DIAPH2: variants seen among roughly 807,000 people sequenced by gnomAD.
The protein encoded by DIAPH2 is protein diaphanous homolog 2.
A neutral mutation model predicts 92.7 loss-of-function variants in DIAPH2; 35 were observed. The ratio of observed to expected loss-of-function variants is 0.38; its 90% CI spans 0.29 to 0.50. DIAPH2 has a LOEUF of 0.50. DIAPH2 is among the 20% of genes least tolerant of loss of function. The probability of loss-of-function intolerance (pLI) is 0.94; values close to 1 mark genes in which losing one functional copy is unlikely to be tolerated. For synonymous variants in DIAPH2, 301 were observed against 280.4 expected (o/e 1.07, Z -0.73); for missense variants, 701 against 819.5 (o/e 0.86, Z 1.77).
chrX:97,184,411 A>G, intron 22 of DIAPH2, among the ~76,000 whole-genome samples: 1 of 112,216 alleles, frequency 8.9e-6, no homozygotes. Flanking sequence ...TTACATTCAG[A>G]TATATATGCA....
intron 4 of DIAPH2, among the ~76,000 whole-genome samples, chrX:96,771,929 T>G (rs2064341782): frequency 9.1e-6 from 1 of 110,055 alleles, no homozygotes; most frequent in Non-Finnish European, 1.9e-5. Flanking sequence ...TCCAATCTCC[T>G]AGGGAGGTTG....
At chrX:96,689,057 C>G (rs770275965) in intron 1 of DIAPH2, among the ~76,000 whole-genome samples, 2 of 109,621 alleles carry the variant, frequency 1.8e-5, no homozygotes, top group Admixed American at 9.9e-5. Flanking sequence ...TAAGAAAAGG[C>G]TTATCGCAGT....
At chrX:96,728,057 G>A (rs67016415) in intron 1 of DIAPH2, among the ~76,000 whole-genome samples, 71 of 96,465 alleles carry the variant, frequency 7.4e-4, no homozygotes, top group African/African-American at 1.5e-3. Context: ...AAAAAAAAAA[G>A]AAAAAAAAAA....
At chrX:97,026,667 A>C in intron 17 of DIAPH2, among the ~76,000 whole-genome samples, 1 of 112,503 alleles carries the variant, frequency 8.9e-6, no homozygotes, top group Non-Finnish European at 1.9e-5. Flanking sequence ...TGTCCTTGTT[A>C]CATCCAGACT....
chrX:97,092,502 G>A (rs2066833022), intron 19 of DIAPH2, among the ~76,000 whole-genome samples: 1 of 112,515 alleles, frequency 8.9e-6, no homozygotes, highest in Non-Finnish European at 1.9e-5. Flanking sequence ...GTGTCAAAAT[G>A]TCCAGGGTAT....
chrX:97,157,827 T>C (rs1330938544), intron 22 of DIAPH2, among the ~76,000 whole-genome samples: 1 of 112,325 alleles, frequency 8.9e-6, no homozygotes, highest in Non-Finnish European at 1.9e-5. Context: ...ATCATATTTG[T>C]ATTTTGTGTT....
chrX:97,476,968 A>ATAT (rs1374547099), intron 26 of DIAPH2, among the ~76,000 whole-genome samples: 2,289 of 33,458 alleles, frequency 0.068, 166 homozygotes, highest in Non-Finnish European at 0.097. Flanking sequence ...AAAAAAAAAA[A>ATAT]ATATATATAT....
intron 1 of DIAPH2, among the ~76,000 whole-genome samples, chrX:96,691,689 A>T (rs905506877): frequency 1.8e-5 from 2 of 112,366 alleles, no homozygotes; most frequent in African/African-American, 3.2e-5. Context: ...TCTTTGGTTT[A>T]CTGAAGATTT....
At chrX:97,350,024 A>G (rs929389181) in intron 24 of DIAPH2, among the ~76,000 whole-genome samples, 4 of 111,392 alleles carry the variant, frequency 3.6e-5, no homozygotes, top group Non-Finnish European at 7.5e-5. Context: ...AAGAATATGT[A>G]TGTGGCTAGG....
chrX:97,514,100 A>G (rs1261935696), intron 26 of DIAPH2, among the ~76,000 whole-genome samples: 1 of 106,341 alleles, frequency 9.4e-6, no homozygotes, highest in African/African-American at 3.5e-5. Flanking sequence ...TATCCTGCAG[A>G]GTGTTTTCCA....
chrX:96,789,239 C>A (rs2064481796), intron 4 of DIAPH2, among the ~76,000 whole-genome samples: 1 of 111,735 alleles, frequency 8.9e-6, no homozygotes, highest in Non-Finnish European at 1.9e-5. Context: ...TGCACCTGCC[C>A]AAGGAAGCCC....
intron 23 of DIAPH2, among the ~76,000 whole-genome samples, chrX:97,248,712 A>G (rs992419095): frequency 2.7e-5 from 3 of 112,073 alleles, no homozygotes; most frequent in African/African-American, 9.7e-5. Context: ...AATTCCTTCA[A>G]CAACTATTTG....
intron 4 of DIAPH2, among the ~76,000 whole-genome samples, chrX:96,845,688 T>G (rs2064966416): frequency 8.9e-6 from 1 of 112,790 alleles, no homozygotes. Flanking sequence ...AGAATATTTT[T>G]ATATTTTACG....
chrX:97,532,259 G>A (rs757072269), intron 26 of DIAPH2, among the ~76,000 whole-genome samples: 4 of 112,902 alleles, frequency 3.5e-5, no homozygotes, highest in Admixed American at 2.8e-4. Flanking sequence ...AATAAAACTC[G>A]TGCTTGGCAC....
At chrX:97,551,071 G>A (rs2071215950) in intron 26 of DIAPH2, among the ~76,000 whole-genome samples, 1 of 108,436 alleles carries the variant, frequency 9.2e-6, no homozygotes, top group African/African-American at 3.4e-5. Flanking sequence ...GAGAAACGTT[G>A]TTAGCCTAAA....
At chrX:97,125,624 A>G (rs1298560049) in intron 21 of DIAPH2, among the ~76,000 whole-genome samples, 1 of 110,964 alleles carries the variant, frequency 9.0e-6, no homozygotes, top group Non-Finnish European at 1.9e-5. Flanking sequence ...TTCTGTAGAG[A>G]ACTCACCTGT....
chrX:97,181,399 T>G (rs916461820), intron 22 of DIAPH2, among the ~76,000 whole-genome samples: 3 of 109,434 alleles, frequency 2.7e-5, no homozygotes, highest in Non-Finnish European at 5.7e-5. Context: ...AGTATATGTG[T>G]TGTTGTTGTT....
In DIAPH2 at chrX:97,250,405, C is replaced by G. The variant is rs753300202; in HGVS notation, c.2844+2566C>G. 3.6e-5 allele frequency among the ~76,000 whole-genome samples: 4 copies of G among 112,132 alleles called. No homozygotes were observed. In the South Asian group the frequency reaches 1.5e-3, roughly 42 times the overall value. ...GTTAGCAGCAATGGCATGATGGCTT[C>G]AGGGCAACTGAATATGCAGGTTGGA... On this transcript the variant is annotated intron_variant, in intron 23 of 26. Coordinates refer to ENST00000324765, the MANE Select transcript of DIAPH2 (RefSeq NM_006729.5).
intron 22 of DIAPH2, among the ~76,000 whole-genome samples, chrX:97,235,531 G>A (rs1339132997): frequency 9.3e-6 from 1 of 107,286 alleles, no homozygotes; most frequent in African/African-American, 3.4e-5. Flanking sequence ...TTGAACCTGG[G>A]AGGCAGAGGT....
Sources: gnomAD v4.1 joint callset for allele counts (sites outside exome capture counted in the v4.1 genomes callset) on GRCh38, gnomAD v4.1.1 for gene constraint, MANE v1.5 for transcripts, NCBI Gene and HGNC (gene_info 2026-07-23, HGNC 2026-07-21) for gene names.